ZAN: variants seen among roughly 807,000 people sequenced by gnomAD.
The protein encoded by ZAN is zonadhesin, also known as zonadhesin (gene/pseudogene).
ZAN carries 260 observed loss-of-function variants against 286.2 expected under a neutral mutation model. That is an observed-to-expected ratio of 0.91 (90% CI 0.82 to 1.01). ZAN has a LOEUF of 1.01. Among genes scored for constraint, ZAN ranks in the 50% least tolerant of loss-of-function variants. The pLI is 0.00. For synonymous variants in ZAN, 1,368 were observed against 1,417.5 expected (o/e 0.97, Z 0.79); for missense variants, 3,410 against 3,639.2 (o/e 0.94, Z 1.62).
At position 100,767,848 on chromosome 7, in the gene ZAN, G is replaced by T; in HGVS notation, c.4878G>T (p.Val1626=). 6.2e-7 allele frequency: 1 copy of T among 1,613,554 alleles called. No individual in the cohort carries two copies. The highest frequency in any genetic ancestry group is 8.5e-7 in the Non-Finnish European group (1 of 1,179,748). Residue 1626 remains valine (V), a synonymous_variant, in exon 26 of 48, where the codon GTG becomes GTT. Transcript: ENST00000613979. Reference sequence around the variant, plus strand: ...CTCTGCAGCTGAATGGCCATCGGGTGGCCCTACCTGTGTGGCTTGCACAAG... The same window carrying T: ...CTCTGCAGCTGAATGGCCATCGGGTTGCCCTACCTGTGTGGCTTGCACAAG... ...GCKVMLNGHR[V]ALPVWLAQGR...
intron 14 of ZAN, among the ~76,000 whole-genome samples, chr7:100,753,857 C>CAAAAAAAAAAAAAAAAAAAAA (rs1808964464): frequency 7.8e-6 from 1 of 128,438 alleles, no homozygotes; most frequent in African/African-American, 2.8e-5. Context: ...AAAAAAAAAG[C>CAAAAAAAAAAAAAAAAAAAAA]AAAAGCAATT....
chr7:100,780,925 G>A lies in ZAN; in HGVS notation c.6622+1175G>A, dbSNP rs540527735. On this transcript the variant is annotated intron_variant, in intron 35 of 47. Coordinates refer to ENST00000613979, the MANE Select transcript of ZAN (RefSeq NM_003386.3). ...GGCAATATAATGAGACCCCCGCATC[G>A]CTACAAAAAAATTAAAAAAACAAAA... is the stretch of plus-strand genomic sequence containing the variant. Among the ~76,000 whole-genome samples, 14 of 151,878 alleles carry A rather than the reference G, an allele frequency of 9.2e-5. No homozygotes were observed. The South Asian group carries it at 2.3e-3, about 25-fold the overall frequency.
chr7:100,773,262 C>T (rs150729133), intron 29 of ZAN, 23 bp from the exon 30 acceptor site: 34,798 of 1,609,512 alleles, frequency 0.022, 469 homozygotes, highest in Middle Eastern at 0.031. Context: ...CCCCACTCTT[C>T]CTAATGCTCT....
Position 100,771,835 on chromosome 7 carries a change from T to C in ZAN, c.5249-9T>C. 6.2e-7 allele frequency: 1 copy of C among 1,604,056 alleles called. No individual in the cohort carries two copies. The highest frequency in any genetic ancestry group is 8.5e-7 in the Non-Finnish European group (1 of 1,172,992). ...TCCCCTGGCTCATCTGCCTTCTCTC[T>C]TCCTGCAGGACCCTTCTCTCAATGT... On this transcript the variant is annotated splice_polypyrimidine_tract_variant and intron_variant, in intron 28 of 47. Coordinates refer to ENST00000613979, the MANE Select transcript of ZAN (RefSeq NM_003386.3).
At chr7:100,746,087 C>A (rs1037525034) in intron 7 of ZAN, among the ~76,000 whole-genome samples, 1 of 151,730 alleles carries the variant, frequency 6.6e-6, no homozygotes, top group South Asian at 2.1e-4. Context: ...ATTAGCAGGG[C>A]GTGGTGGCGC....
In ZAN at chr7:100,767,858, G is replaced by A. The variant is rs1226316346; in HGVS notation, c.4888G>A (p.Val1630Met). The change falls in exon 26 of 48, where the codon GTG becomes ATG. Residue 1630 changes from valine to methionine, a missense_variant. Physicochemically the swap from Val to Met is conservative, Grantham distance 21 (BLOSUM62 1). Transcript: ENST00000613979. Reference protein sequence around the residue: ...MLNGHRVALPVWLAQGRVTIR... With the variant: ...MLNGHRVALPMWLAQGRVTIR... ...GAATGGCCATCGGGTGGCCCTACCT[G>A]TGTGGCTTGCACAAGGCCGGGTGAC... 2 of 1,613,870 alleles carry A rather than the reference G, an allele frequency of 1.2e-6. No individual in the cohort carries two copies. The highest frequency in any genetic ancestry group is 3.3e-5 in the Admixed American group (2 of 59,966).
At chr7:100,777,050 C>T (rs990854772) in intron 34 of ZAN, among the ~76,000 whole-genome samples, 4 of 149,496 alleles carry the variant, frequency 2.7e-5, no homozygotes, top group African/African-American at 9.9e-5. Context: ...TTCTTTCGTT[C>T]TTTTTTTTTC....
chr7:100,775,627 C>G, intron 32 of ZAN, 42 bp from the exon 33 acceptor site: 1 of 1,611,380 alleles, frequency 6.2e-7, no homozygotes, highest in Non-Finnish European at 8.5e-7. Flanking sequence ...GGAGGGGACT[C>G]TTGTCCCTGC....
At chr7:100,769,240 C>G (rs778725903) in intron 27 of ZAN, among the ~76,000 whole-genome samples, 17 of 152,058 alleles carry the variant, frequency 1.1e-4, no homozygotes, top group Non-Finnish European at 2.4e-4. Context: ...ATTACAGGCA[C>G]TCGCCACCAC....
intron 44 of ZAN, among the ~76,000 whole-genome samples, 179 bp from the exon 45 acceptor site, chr7:100,795,017 G>T (rs908509075): frequency 2.0e-5 from 3 of 152,054 alleles, no homozygotes; most frequent in African/African-American, 4.8e-5. Flanking sequence ...TCAAAGGAAG[G>T]AAGTTTCCCC....
chr7:100,738,673 T>C (rs1807478273), intron 7 of ZAN, 60 bp downstream of exon 7: 2 of 1,452,680 alleles, frequency 1.4e-6, no homozygotes, highest in African/African-American at 2.9e-5. Flanking sequence ...CCTACGATAA[T>C]TGCCCTGGGA....
At position 100,792,032 on chromosome 7, in the gene ZAN, C is replaced by G; in HGVS notation, c.7596C>G (p.Ser2532=). 2 of 1,613,292 alleles carry G rather than the reference C, an allele frequency of 1.2e-6. No individual in the cohort carries two copies. Among genetic ancestry groups the G allele is most frequent in the South Asian group, 2.2e-5 (2 of 91,002 alleles). The part of the protein sequence containing the change: ...ELGLRTGLQV[S]ECSPEQLASN... Reference sequence around the variant, plus strand: ...GCCTCCGCACGGGCCTCCAAGTGTCCGAATGTAGCCCGGAGCAGCTGGCGA... The same window carrying G: ...GCCTCCGCACGGGCCTCCAAGTGTCGGAATGTAGCCCGGAGCAGCTGGCGA... The change falls in exon 41 of 48, where the codon TCC becomes TCG. Residue 2532 remains serine (S), a synonymous_variant. Transcript: ENST00000613979.
At position 100,746,810 on chromosome 7, in the gene ZAN, A is replaced by G. The variant is rs1808253205; in HGVS notation, c.931+108A>G. ...CTCAGGGTCTAGGGAGGTCTGGAAT[A>G]TGTGCGAGACTATTCCATGAAGTGG... is the stretch of plus-strand genomic sequence containing the variant. On this transcript the variant is annotated intron_variant, in intron 8 of 47. Coordinates refer to ENST00000613979, the MANE Select transcript of ZAN (RefSeq NM_003386.3). 5.3e-6 allele frequency: 7 copies of G among 1,316,576 alleles called. No homozygotes were observed. The East Asian group carries it at 1.4e-4, about 26-fold the overall frequency. 81.6% of individuals were successfully genotyped at this position (1,316,576 alleles called of 1,614,324 possible).
Position 100,751,887 on chromosome 7 carries a change from C to T in ZAN, c.1782C>T (p.Pro594=). 5.0e-6 allele frequency: 8 copies of T among 1,613,476 alleles called. No individual in the cohort carries two copies. The highest frequency in any genetic ancestry group is 6.8e-6 in the Non-Finnish European group (8 of 1,179,820). The change falls in exon 14 of 48, where the codon CCC becomes CCT. Residue 594 remains proline (P), a synonymous_variant. Transcript: ENST00000613979. ...TCCCCAAAGAAAAGCCCACCATTCC[C>T]ACAGAAAAACCCACCATCTCCACAG... ...PTVPKEKPTI[P]TEKPTISTEK... is the part of the protein sequence containing the mutation.
chr7:100,773,230 G>T (rs1217638790), intron 29 of ZAN, 55 bp from the exon 30 acceptor site: 1 of 1,591,254 alleles, frequency 6.3e-7, no homozygotes. Flanking sequence ...GATGCCCCAA[G>T]GTTTGGGGGC....
intron 8 of ZAN, among the ~76,000 whole-genome samples, chr7:100,747,141 C>T (rs1285732554): frequency 6.6e-6 from 1 of 151,946 alleles, no homozygotes; most frequent in Non-Finnish European, 1.5e-5. Context: ...AATCCTAGCA[C>T]GTTGGGAGGG....
intron 7 of ZAN, among the ~76,000 whole-genome samples, chr7:100,744,201 C>A (rs1295364870): frequency 1.3e-5 from 2 of 149,136 alleles, no homozygotes; most frequent in Non-Finnish European, 3.0e-5. Flanking sequence ...GCCGTATTTT[C>A]TTTTCTGTTT....
At chr7:100,781,709 C>T (rs192277396) in intron 35 of ZAN, among the ~76,000 whole-genome samples, 2 of 143,638 alleles carry the variant, frequency 1.4e-5, no homozygotes, top group Admixed American at 7.3e-5. Context: ...TCTATGATCT[C>T]GGCTCACTGT....
At chr7:100,796,935 A>G (rs1345780107) in intron 45 of ZAN, among the ~76,000 whole-genome samples, 1 of 152,104 alleles carries the variant, frequency 6.6e-6, no homozygotes, top group African/African-American at 2.4e-5. Context: ...CCAGGAGTTC[A>G]AGACCAGCCT....
Sources: gnomAD v4.1 joint callset for allele counts (sites outside exome capture counted in the v4.1 genomes callset) on GRCh38, gnomAD v4.1.1 for gene constraint, MANE v1.5 for transcripts, NCBI Gene and HGNC (gene_info 2026-07-23, HGNC 2026-07-21) for gene names.